The following NEBL variants were observed in gnomAD, a reference collection of about 807,000 sequenced individuals.
NEBL encodes the protein LIM and SH3 protein 2.
NEBL carries 122 observed loss-of-function variants against 140.2 expected under a neutral mutation model. That is an observed-to-expected ratio of 0.87 (90% CI 0.75 to 1.01). The LOEUF (loss-of-function observed/expected upper bound fraction) is 1.01, where lower values mean the gene tolerates loss of function less well. NEBL is among the 50% of genes least tolerant of loss of function. The probability of loss-of-function intolerance (pLI) is 0.00; values close to 1 mark genes in which losing one functional copy is unlikely to be tolerated. For missense variants in NEBL, 1,365 were observed against 1,231.3 expected, an observed-to-expected ratio of 1.11 and a Z score of -1.62; for synonymous variants, 436 against 398.9, an observed-to-expected ratio of 1.09 and a Z score of -1.11.
chr10:21,049,656 G>T (rs751496699), intron 2 of NEBL, among the ~76,000 whole-genome samples: 1 of 152,018 alleles, frequency 6.6e-6, no homozygotes, highest in South Asian at 2.1e-4. Context: ...TAAACCAACC[G>T]CCCACCCTGA....
chr10:20,829,581 T>A (rs961730413), intron 16 of NEBL, among the ~76,000 whole-genome samples: 17 of 151,630 alleles, frequency 1.1e-4, no homozygotes, highest in African/African-American at 3.9e-4. Flanking sequence ...AAACTTAAAG[T>A]ATAATAATAA....
intron 2 of NEBL, among the ~76,000 whole-genome samples, chr10:21,040,849 T>C (rs1049311134): frequency 1.3e-5 from 2 of 152,110 alleles, no homozygotes; most frequent in African/African-American, 4.8e-5. Context: ...TTTAAAAGTG[T>C]GTAGCACCTT....
At chr10:20,957,570 G>T (rs143581642) in intron 4 of NEBL, among the ~76,000 whole-genome samples, 173 of 152,210 alleles carry the variant, frequency 1.1e-3, no homozygotes, top group African/African-American at 3.9e-3. Flanking sequence ...ATAGACATTA[G>T]TCTATACTGA....
intron 3 of NEBL, among the ~76,000 whole-genome samples, chr10:21,233,647 T>G (rs937473821): frequency 1.4e-5 from 2 of 145,080 alleles, no homozygotes; most frequent in African/African-American, 5.0e-5. Context: ...GACTTATCTA[T>G]ATATACATAT....
At chr10:21,068,885 A>ATTG (rs1037225205) in intron 2 of NEBL, among the ~76,000 whole-genome samples, 1 of 151,942 alleles carries the variant, frequency 6.6e-6, no homozygotes, top group East Asian at 1.9e-4. Flanking sequence ...GTTTGTTGTT[A>ATTG]TTGTTGTTGT....
At chr10:20,976,524 G>A (rs1836806012) in intron 3 of NEBL, among the ~76,000 whole-genome samples, 1 of 152,102 alleles carries the variant, frequency 6.6e-6, no homozygotes. Flanking sequence ...CAACCCAGGT[G>A]TTCATCAATG....
chr10:20,845,296 A>C lies in NEBL; in HGVS notation c.1189T>G (p.Phe397Val). ...TTGGTGATGTACTTTACATGTAAAA[A>C]TTCTGGAGTCTTGTCTAAATCCAGT... ...SSLDLDKTPE[F>V]LHVKYITNLL... The change falls in exon 12 of 28, where the codon TTT (phenylalanine) becomes GTT (valine). Residue 397 changes from phenylalanine to valine, a missense_variant. Transcript: ENST00000377122. 6.2e-7 allele frequency: 1 copy of C among 1,602,872 alleles called. No homozygotes were observed. The highest frequency in any genetic ancestry group is 8.5e-7 in the Non-Finnish European group (1 of 1,170,158).
intron 3 of NEBL, among the ~76,000 whole-genome samples, chr10:20,979,612 T>C (rs1341875622): frequency 1.3e-5 from 2 of 152,254 alleles, no homozygotes; most frequent in African/African-American, 4.8e-5. Flanking sequence ...CCATAGATTC[T>C]CTTTATTCTG....
chr10:21,155,287 A>G (rs11819097), intron 2 of NEBL, among the ~76,000 whole-genome samples: 9,188 of 152,202 alleles, frequency 0.06, 843 homozygotes, highest in African/African-American at 0.2. Flanking sequence ...CAAACAATCC[A>G]ATTATATTCT....
At chr10:21,024,836 A>C (rs1838957851) in intron 2 of NEBL, among the ~76,000 whole-genome samples, 1 of 152,182 alleles carries the variant, frequency 6.6e-6, no homozygotes, top group African/African-American at 2.4e-5. Flanking sequence ...AGAAAAAGAA[A>C]AGAAAACCAG....
At position 20,980,225 on chromosome 10, in the gene NEBL, C is replaced by G. The variant is rs200629477; in HGVS notation, c.250-18446G>C. Among the ~76,000 whole-genome samples the G allele has an allele frequency of 1.6e-4, 24 of 152,084 alleles. No homozygotes were observed. In the East Asian group the frequency reaches 3.7e-3, roughly 23 times the overall value. On this transcript the variant is annotated intron_variant, in intron 3 of 6. Transcript: ENST00000417816. ...TGGAGTTGGTATCACCTATAAAACT[C>G]AAATGTCATCAGTGAATGGGCTAAG...
At chr10:21,217,793 A>G (rs1027958019) in intron 3 of NEBL, 6 of 152,184 alleles carry the variant, frequency 3.9e-5, no homozygotes, top group African/African-American at 1.2e-4. Flanking sequence ...TTTTCCATTT[A>G]TTTTGGCTTG....
In NEBL at chr10:20,809,836, T is replaced by C. The variant is rs777759910; in HGVS notation, c.2581A>G (p.Ile861Val). ...AGCATATGGAGACTTCTAGACTGAATATTGTCTTCCAGGGGATCAAGGTCG... is the reference window on the plus strand; with the variant it reads ...AGCATATGGAGACTTCTAGACTGAACATTGTCTTCCAGGGGATCAAGGTCG... Reference protein sequence around the residue: ...IFDLDPLEDNIQSRSLHMLSE... With the variant: ...IFDLDPLEDNVQSRSLHMLSE... Residue 861 changes from isoleucine (I) to valine (V), a missense_variant, in exon 25 of 28, where the codon ATT becomes GTT. Physicochemically the swap from Ile to Val is conservative, Grantham distance 29 (BLOSUM62 3). Coordinates refer to ENST00000377122, the MANE Select transcript of NEBL (RefSeq NM_006393.3). 4.3e-6 allele frequency: 7 copies of C among 1,613,408 alleles called. No homozygotes were observed. The East Asian group carries it at 1.6e-4, about 36-fold the overall frequency.
At chr10:20,814,183 T>C in intron 22 of NEBL, 140 bp from the exon 23 acceptor site, 1 of 689,862 alleles carries the variant, frequency 1.4e-6, no homozygotes, top group Non-Finnish European at 2.6e-6. Context: ...TAAATTTTGT[T>C]CTAGAATAGC....
chr10:20,882,527 G>A (rs935027274), intron 4 of NEBL, among the ~76,000 whole-genome samples: 1 of 152,088 alleles, frequency 6.6e-6, no homozygotes, highest in Non-Finnish European at 1.5e-5. Flanking sequence ...TTTATCCTGT[G>A]CCTAACATAG....
intron 2 of NEBL, among the ~76,000 whole-genome samples, chr10:21,024,171 A>G (rs1182577418): frequency 6.6e-6 from 1 of 152,072 alleles, no homozygotes; most frequent in Non-Finnish European, 1.5e-5. Flanking sequence ...TGCAATGTAT[A>G]CTGATATCTA....
intron 2 of NEBL, among the ~76,000 whole-genome samples, chr10:21,116,351 CACGCA>C (rs1838284122): frequency 6.6e-6 from 1 of 151,940 alleles, no homozygotes; most frequent in Non-Finnish European, 1.5e-5. Context: ...TCACACGGTA[CACGCA>C]AAAAAGGTAA....
chr10:20,858,445 G>C, intron 8 of NEBL, 101 bp from the exon 9 acceptor site: 1 of 974,142 alleles, frequency 1.0e-6, no homozygotes, highest in South Asian at 1.4e-5. Flanking sequence ...ACTATTTAGT[G>C]GTAAATGGAC....
At chr10:20,922,175 G>C (rs1454021840) in intron 4 of NEBL, among the ~76,000 whole-genome samples, 1 of 152,126 alleles carries the variant, frequency 6.6e-6, no homozygotes, top group African/African-American at 2.4e-5. Flanking sequence ...AGGCAACCTG[G>C]AATGGCAACT....
Sources: gnomAD v4.1 joint callset for allele counts (sites outside exome capture counted in the v4.1 genomes callset) on GRCh38, gnomAD v4.1.1 for gene constraint, MANE v1.5 for transcripts, NCBI Gene and HGNC (gene_info 2026-07-23, HGNC 2026-07-21) for gene names.